ADAMTSL3: variants seen among roughly 807,000 people sequenced by gnomAD.
ADAMTSL3 encodes ADAMTS like 3.
A neutral mutation model predicts 201.7 loss-of-function variants in ADAMTSL3; 128 were observed. That is an observed-to-expected ratio of 0.63 (90% confidence interval 0.55 to 0.73). The LOEUF is 0.73. ADAMTSL3 is among the 30% of genes least tolerant of loss of function. The pLI, the probability that ADAMTSL3 is intolerant of heterozygous loss-of-function variation, is 0.00. For missense variants in ADAMTSL3, 1,990 were observed against 2,119.6 expected (o/e 0.94, Z 1.20); for synonymous variants, 738 against 748.4 (o/e 0.99, Z 0.23).
chr15:83,759,010 G>A (rs1283947443), intron 3 of ADAMTSL3, among the ~76,000 whole-genome samples: 1 of 152,080 alleles, frequency 6.6e-6, no homozygotes, highest in Non-Finnish European at 1.5e-5. Context: ...TTGTGTTCTG[G>A]CATTAGATGT....
chr15:84,006,517 C>G (rs1206117351), intron 23 of ADAMTSL3, among the ~76,000 whole-genome samples: 1 of 152,130 alleles, frequency 6.6e-6, no homozygotes, highest in African/African-American at 2.4e-5. Flanking sequence ...AAAGACACCC[C>G]CGAGGTGCAA....
At chr15:83,820,349 A>C (rs1193398585) in intron 6 of ADAMTSL3, among the ~76,000 whole-genome samples, 4 of 152,142 alleles carry the variant, frequency 2.6e-5, no homozygotes, top group Non-Finnish European at 5.9e-5. Flanking sequence ...AAGTGCTGGG[A>C]TTACAGGCAT....
At chr15:84,007,246 T>C (rs1251303212) in intron 23 of ADAMTSL3, among the ~76,000 whole-genome samples, 5 of 152,188 alleles carry the variant, frequency 3.3e-5, no homozygotes, top group Admixed American at 6.5e-5. Context: ...TAGACTCCCA[T>C]GGTCACGTGG....
chr15:83,834,579 T>C (rs1300653477), intron 6 of ADAMTSL3, among the ~76,000 whole-genome samples: 3 of 152,270 alleles, frequency 2.0e-5, no homozygotes, highest in African/African-American at 7.2e-5. Context: ...ATTTAAGTAT[T>C]ATCATCTTTT....
intron 17 of ADAMTSL3, among the ~76,000 whole-genome samples, chr15:83,937,962 A>G (rs924454501): frequency 6.6e-6 from 1 of 150,996 alleles, no homozygotes; most frequent in Non-Finnish European, 1.5e-5. Context: ...AGGGAGATTA[A>G]ATTGAAAGAA....
At position 83,949,046 on chromosome 15, in the gene ADAMTSL3, G is replaced by A. The variant is rs563705780; in HGVS notation, c.2490+5964G>A. Among the ~76,000 whole-genome samples the A allele has an allele frequency of 3.3e-5, 5 of 152,124 alleles. No individual in the cohort carries two copies. The East Asian group carries it at 5.8e-4, about 18-fold the overall frequency. ...ATATTATTTTAATTATTTTAAAAAT[G>A]CAATTGAATTGTTTTTGGATATAGT... On this transcript the variant is annotated intron_variant, in intron 19 of 29. Transcript: ENST00000286744.
At chr15:83,950,340 T>C (rs544463657) in intron 19 of ADAMTSL3, among the ~76,000 whole-genome samples, 51 of 152,208 alleles carry the variant, frequency 3.4e-4, no homozygotes, top group Non-Finnish European at 6.5e-4. Context: ...ATCTCTGGGA[T>C]CTCTACTCTG....
intron 5 of ADAMTSL3, among the ~76,000 whole-genome samples, chr15:83,818,856 T>C (rs1485652735): frequency 1.3e-5 from 2 of 152,200 alleles, no homozygotes; most frequent in Admixed American, 1.3e-4. Context: ...TTTGCTTTTG[T>C]TGTAGACAGA....
intron 7 of ADAMTSL3, among the ~76,000 whole-genome samples, chr15:83,852,008 T>C (rs1042722049): frequency 3.3e-5 from 5 of 152,236 alleles, no homozygotes; most frequent in African/African-American, 1.2e-4. Context: ...CATACAAACA[T>C]GTATGCTTTT....
chr15:83,931,483 A>G (rs924360768), intron 17 of ADAMTSL3, among the ~76,000 whole-genome samples: 1 of 152,202 alleles, frequency 6.6e-6, no homozygotes, highest in African/African-American at 2.4e-5. Flanking sequence ...ATGAAACAGA[A>G]ACCTTCTGAT....
rs7179507 is a variant in ADAMTSL3, at chr15:83,804,779, G to A, written c.363+84G>A. ...ATATTCCAATGTGTACTCTAAAACT[G>A]ATGGTCTCTTAATACCCTTTGTGGA... On this transcript the variant is annotated intron_variant, in intron 5 of 29. Transcript: ENST00000286744. 0.73 allele frequency: 751,712 copies of A among 1,035,476 alleles called. 278,486 individuals are homozygous for A. Among genetic ancestry groups the A allele is most frequent in the East Asian group, 1 (35,528 of 35,550 alleles). The allele number at this position is 1,035,476 out of a possible 1,614,324, so 64.1% of individuals were successfully genotyped here.
At chr15:83,666,571 G>A (rs899869187) in intron 2 of ADAMTSL3, among the ~76,000 whole-genome samples, 4 of 152,082 alleles carry the variant, frequency 2.6e-5, no homozygotes, top group African/African-American at 9.7e-5. Flanking sequence ...GGGCACAATG[G>A]CCACACCTGT....
chr15:83,862,269 T>A (rs527635660), intron 8 of ADAMTSL3: 3 of 152,118 alleles, frequency 2.0e-5, no homozygotes, highest in East Asian at 3.9e-4. Flanking sequence ...ATACAGAGAA[T>A]GCCACAAAGA....
chr15:83,896,622 G>A (rs2065620680), intron 13 of ADAMTSL3, among the ~76,000 whole-genome samples: 2 of 152,230 alleles, frequency 1.3e-5, no homozygotes, highest in East Asian at 1.9e-4. Flanking sequence ...AAGGGGTGAA[G>A]GGGAAGATTG....
At chr15:83,926,452 T>C (rs1048109888) in intron 17 of ADAMTSL3, among the ~76,000 whole-genome samples, 4 of 152,140 alleles carry the variant, frequency 2.6e-5, no homozygotes, top group South Asian at 4.1e-4. Context: ...GAGAACAAAA[T>C]GGAGACAATT....
rs199951564 is a variant in ADAMTSL3, at chr15:84,025,403, T to C, written c.4623T>C (p.Gly1541=). 1.5e-4 allele frequency: 242 copies of C among 1,614,120 alleles called. No homozygotes were observed. The highest frequency in any genetic ancestry group is 1.5e-3 in the Middle Eastern group (9 of 6,062). The change falls in exon 27 of 30, where the codon GGT becomes GGC. Residue 1541 remains glycine, a synonymous_variant. Coordinates refer to ENST00000286744, the MANE Select transcript of ADAMTSL3 (RefSeq NM_207517.3). ...DRPLGRKPCF[G]HPCVQWEPGN... Reference sequence around the variant, plus strand: ...CTCTGGGAAGAAAACCATGTTTTGGTCATCCATGTGTTCAGTGGGAACCAG... The same window carrying C: ...CTCTGGGAAGAAAACCATGTTTTGGCCATCCATGTGTTCAGTGGGAACCAG...
chr15:83,970,348 G>A (rs1442038331), intron 19 of ADAMTSL3, 136 bp from the exon 20 acceptor site: 9 of 934,358 alleles, frequency 9.6e-6, no homozygotes, highest in South Asian at 1.6e-5. Flanking sequence ...AGATGTTCAA[G>A]CCTAGGAAAT....
chr15:83,731,572 A>G (rs1218568907), intron 3 of ADAMTSL3, among the ~76,000 whole-genome samples: 4 of 152,092 alleles, frequency 2.6e-5, no homozygotes. Context: ...TCCAAAGGAA[A>G]TAAAATCATT....
intron 3 of ADAMTSL3, among the ~76,000 whole-genome samples, chr15:83,760,482 C>T (rs1464284994): frequency 6.6e-6 from 1 of 152,034 alleles, no homozygotes; most frequent in Non-Finnish European, 1.5e-5. Context: ...TTAGTTGTAG[C>T]TTTCTATACA....
Sources: allele counts gnomAD v4.1 joint callset (sites outside exome capture counted in the v4.1 genomes callset), GRCh38; gene constraint gnomAD v4.1.1; transcripts MANE v1.5; gene names NCBI Gene and HGNC (gene_info 2026-07-23, HGNC 2026-07-21).